The following TIGAR variants were observed in gnomAD, a reference collection of about 807,000 sequenced individuals.
TIGAR encodes TP53 induced glycolysis regulatory phosphatase.
TIGAR carries 7 observed loss-of-function variants against 17.9 expected under a neutral mutation model. That is an observed-to-expected ratio of 0.39 (90% CI 0.22 to 0.73). TIGAR has a LOEUF of 0.73. Ranked by LOEUF, TIGAR falls within the 30% of genes least tolerant of loss-of-function variation. The pLI, the probability that TIGAR is intolerant of heterozygous loss-of-function variation, is 0.42. For synonymous variants in TIGAR, 94 were observed against 108.6 expected (o/e 0.87, Z 0.84); for missense variants, 258 against 327.4 (o/e 0.79, Z 1.64).
intron 1 of TIGAR, among the ~76,000 whole-genome samples, chr12:4,324,029 A>C (rs3900745): frequency 0.31 from 47,779 of 152,128 alleles, 7,696 homozygotes; most frequent in Admixed American, 0.38. Context: ...GTTCAACAGA[A>C]CCTGTTAGGA....
intron 2 of TIGAR, among the ~76,000 whole-genome samples, chr12:4,332,629 A>G (rs910219190): frequency 2.0e-5 from 3 of 152,228 alleles, no homozygotes; most frequent in African/African-American, 7.2e-5. Flanking sequence ...TTCAGCACCA[A>G]GTATTTTCAA....
chr12:4,330,017 T>C (rs535278462), intron 1 of TIGAR, among the ~76,000 whole-genome samples: 1 of 152,224 alleles, frequency 6.6e-6, no homozygotes, highest in East Asian at 1.9e-4. Flanking sequence ...AGTCTTGTGT[T>C]GGGTCTTAAA....
In TIGAR at chr12:4,354,614, CTG is replaced by C. The variant is rs1172269595; in HGVS notation, c.*1927_*1928del. ...TTTTACTTATGTCTTGGAGGCATCT[CTG>C]TGTTGATATATATAGATCTAGTTAA... On this transcript the variant is annotated 3_prime_UTR_variant, in exon 6 of 6. Transcript: ENST00000179259. 6.6e-6 allele frequency: 1 copy of C among 151,718 alleles called. No individual in the cohort carries two copies. The highest frequency in any genetic ancestry group is 1.5e-5 in the Non-Finnish European group (1 of 67,980). The allele number at this position is 151,718 out of a possible 1,614,324, so 9.4% of individuals were successfully genotyped here.
At chr12:4,324,641 G>A in intron 1 of TIGAR, 1 of 1,394,914 alleles carries the variant, frequency 7.2e-7, no homozygotes, top group Non-Finnish European at 1.0e-6. Context: ...AGGCGCTTCA[G>A]CAGCGAGTTC....
chr12:4,332,295 T>C (rs1002183376), intron 2 of TIGAR, among the ~76,000 whole-genome samples: 1 of 135,964 alleles, frequency 7.4e-6, no homozygotes, highest in East Asian at 2.3e-4. Flanking sequence ...CAACCTGGAG[T>C]GCAGTGGTGC....
At position 4,358,133 on chromosome 12, in the gene TIGAR, A is replaced by G. The variant is rs1360034618; in HGVS notation, c.*5442A>G. On this transcript the variant is annotated 3_prime_UTR_variant, in exon 6 of 6. Coordinates refer to ENST00000179259, the MANE Select transcript of TIGAR (RefSeq NM_020375.3). The stretch of plus-strand genomic sequence containing the variant: ...AAAAAAAAAAAAAATCATTTGATAA[A>G]TAATGGGCTGTGCATGGTGACTCAG... Among the ~76,000 whole-genome samples, 2 of 149,078 alleles carry G rather than the reference A, an allele frequency of 1.3e-5. No homozygotes were observed. Among genetic ancestry groups the G allele is most frequent in the East Asian group, 2.0e-4 (1 of 4,930 alleles).
chr12:4,330,100 A>G (rs1864588280), intron 1 of TIGAR, among the ~76,000 whole-genome samples: 1 of 152,182 alleles, frequency 6.6e-6, no homozygotes, highest in Non-Finnish European at 1.5e-5. Flanking sequence ...TTTGTAAACA[A>G]GCGGCAAGAT....
Position 4,357,820 on chromosome 12 carries a change from G to T in TIGAR, c.*5129G>T, listed in dbSNP as rs1179834594. Among the ~76,000 whole-genome samples, 6 of 151,488 alleles carry T rather than the reference G, an allele frequency of 4.0e-5. No individual in the cohort carries two copies. Among genetic ancestry groups the T allele is most frequent in the African/African-American group, 1.5e-4 (6 of 41,368 alleles). The stretch of plus-strand genomic sequence containing the variant: ...ATTTTGTGACCAAGCAATCGCTGAG[G>T]TGGCTGGGCGTGGTGGCTCGCACCT... On this transcript the variant is annotated 3_prime_UTR_variant, in exon 6 of 6. Coordinates refer to ENST00000179259, the MANE Select transcript of TIGAR (RefSeq NM_020375.3).
At chr12:4,325,942 A>G (rs1864542366) in intron 1 of TIGAR, among the ~76,000 whole-genome samples, 1 of 152,134 alleles carries the variant, frequency 6.6e-6, no homozygotes, top group African/African-American at 2.4e-5. Flanking sequence ...CACGCTGAGT[A>G]TTGTGTGTTG....
chr12:4,339,419 G>A (rs966841627), intron 3 of TIGAR, among the ~76,000 whole-genome samples: 1 of 152,138 alleles, frequency 6.6e-6, no homozygotes, highest in Non-Finnish European at 1.5e-5. Context: ...AAGTCTCCCA[G>A]TAAAGAAGAG....
intron 3 of TIGAR, among the ~76,000 whole-genome samples, chr12:4,346,852 A>G (rs1185956638): frequency 6.6e-6 from 1 of 152,194 alleles, no homozygotes; most frequent in African/African-American, 2.4e-5. Context: ...TACAATGAGT[A>G]TTTTACCCCA....
intron 1 of TIGAR, among the ~76,000 whole-genome samples, chr12:4,322,051 A>T (rs1864486593): frequency 6.6e-6 from 1 of 151,700 alleles, no homozygotes; most frequent in Non-Finnish European, 1.5e-5. Flanking sequence ...GCTGGAGTGC[A>T]GTGGCGCTAT....
At chr12:4,350,339 A>G (rs180871144) in intron 4 of TIGAR, among the ~76,000 whole-genome samples, 5 of 152,330 alleles carry the variant, frequency 3.3e-5, no homozygotes, top group African/African-American at 1.2e-4. Context: ...TTTTAAAGGC[A>G]TTTATATACA....
chr12:4,333,989 C>T (rs1277509736), intron 2 of TIGAR, among the ~76,000 whole-genome samples: 4 of 148,978 alleles, frequency 2.7e-5, no homozygotes, highest in South Asian at 4.2e-4. Flanking sequence ...TTTTTTTTTT[C>T]CCCTTCTTTT....
At chr12:4,336,144 A>C (rs1403384717) in intron 2 of TIGAR, among the ~76,000 whole-genome samples, 1 of 152,214 alleles carries the variant, frequency 6.6e-6, no homozygotes, top group African/African-American at 2.4e-5. Context: ...AATTAGTGGA[A>C]AACCTGTTAG....
At chr12:4,338,507 T>C (rs1454746408) in intron 3 of TIGAR, among the ~76,000 whole-genome samples, 3 of 152,100 alleles carry the variant, frequency 2.0e-5, no homozygotes, top group Non-Finnish European at 2.9e-5. Flanking sequence ...GGCAGAGTAA[T>C]GGAAGAAAGA....
rs1331327875 is a variant in TIGAR at position 4,358,915 on chromosome 12, G to A, written c.*6224G>A. Among the ~76,000 whole-genome samples the A allele has an allele frequency of 6.6e-6, 1 of 151,790 alleles. No individual in the cohort carries two copies. The highest frequency in any genetic ancestry group is 1.5e-5 in the Non-Finnish European group (1 of 67,968). On this transcript the variant is annotated 3_prime_UTR_variant, in exon 6 of 6. Transcript: ENST00000179259. ...GATCTTGTTACTTTTTAAAAAATAG[G>A]TGAGTTCTTGTGGTTTTTTTTCCTG...
rs1223211508 is a variant in TIGAR, at chr12:4,358,035, T to C, written c.*5344T>C. 7.1e-5 allele frequency among the ~76,000 whole-genome samples: 10 copies of C among 140,702 alleles called. No individual in the cohort carries two copies. Among genetic ancestry groups the C allele is most frequent in the East Asian group, 2.1e-4 (1 of 4,860 alleles). 92.3% of individuals were successfully genotyped at this position (140,702 alleles called of 152,430 possible). A position where few individuals can be genotyped will look rare whatever the true frequency, so the allele number is the denominator to read the frequency against. ...AGTAGAATGGCGTGAACCCGGGAGG[T>C]GGAGCTTGCAGTGAGCCAAGGTCGC... On this transcript the variant is annotated 3_prime_UTR_variant, in exon 6 of 6. Coordinates refer to ENST00000179259, the MANE Select transcript of TIGAR (RefSeq NM_020375.3).
intron 2 of TIGAR, among the ~76,000 whole-genome samples, chr12:4,332,234 A>ATT (rs1555092389): frequency 1.2e-5 from 1 of 85,376 alleles, no homozygotes; most frequent in Non-Finnish European, 2.4e-5. Flanking sequence ...AGGCTCATGT[A>ATT]TTTCTTTTTT....
Sources: gnomAD v4.1 joint callset for allele counts (sites outside exome capture counted in the v4.1 genomes callset) on GRCh38, gnomAD v4.1.1 for gene constraint, MANE v1.5 for transcripts, NCBI Gene and HGNC (gene_info 2026-07-23, HGNC 2026-07-21) for gene names.